The following PCCA variants were observed in gnomAD, a reference collection of about 807,000 sequenced individuals.
The protein encoded by PCCA is propionyl-CoA carboxylase subunit alpha.
Under a neutral mutation model 101.3 loss-of-function variants are expected in PCCA, and 74 were observed. That is an observed-to-expected ratio of 0.73 (90% CI 0.61 to 0.89). The LOEUF (loss-of-function observed/expected upper bound fraction) is 0.89. Among genes scored for constraint, PCCA ranks in the 40% least tolerant of loss-of-function variants. The pLI, the probability that PCCA is intolerant of heterozygous loss-of-function variation, is 0.00. For missense variants in PCCA, 891 were observed against 907.0 expected, an observed-to-expected ratio of 0.98 and a Z score of 0.23; for synonymous variants, 294 against 313.6, an observed-to-expected ratio of 0.94 and a Z score of 0.66.
rs2066520499 is a variant in PCCA, at chr13:100,307,210, A to G, written c.1303A>G (p.Ile435Val). 2 of 1,611,056 alleles carry G rather than the reference A, an allele frequency of 1.2e-6. No homozygotes were observed. Among genetic ancestry groups the G allele is most frequent in the South Asian group, 2.2e-5 (2 of 91,008 alleles). ...CTCCCAGGTCCGAGTGGACAGTGGCATCCAACCAGGAAGTGATATTAGCAT... is the reference window on the plus strand; with the variant it reads ...CTCCCAGGTCCGAGTGGACAGTGGCGTCCAACCAGGAAGTGATATTAGCAT... ...HLPGVRVDSGIQPGSDISIYY... is the reference protein window; with the variant it reads ...HLPGVRVDSGVQPGSDISIYY... Residue 435 changes from isoleucine to valine, a missense_variant, in exon 15 of 24, where the codon ATC becomes GTC. Physicochemically the swap from Ile to Val is conservative, Grantham distance 29. Transcript: ENST00000376285.
chr13:100,277,467 C>T (rs963250277), intron 12 of PCCA, among the ~76,000 whole-genome samples: 5 of 152,070 alleles, frequency 3.3e-5, no homozygotes, highest in Non-Finnish European at 7.4e-5. Context: ...AGAAGACCTC[C>T]CCCATCTCCC....
In PCCA at chr13:100,527,883, G is replaced by A. The variant is rs1037610779; in HGVS notation, c.2118+131G>A. On this transcript the variant is annotated intron_variant, in intron 23 of 23. Transcript: ENST00000376285. ...CCCCCTCGCTTCTACAGAGGAGGACGTTAGGATTGGGAGCTTTTGCCATTC... is the reference window on the plus strand; with the variant it reads ...CCCCCTCGCTTCTACAGAGGAGGACATTAGGATTGGGAGCTTTTGCCATTC... 16 of 750,554 alleles carry A rather than the reference G, an allele frequency of 2.1e-5. 1 individual carries two copies. Among genetic ancestry groups the A allele is most frequent in the South Asian group, 5.6e-5 (4 of 71,206 alleles). The allele number at this position is 750,554 out of a possible 1,614,324, so 46.5% of individuals were successfully genotyped here. A position where few individuals can be genotyped will look rare whatever the true frequency, so the allele number is the denominator to read the frequency against.
chr13:100,443,633 G>A (rs1178349243), intron 20 of PCCA, among the ~76,000 whole-genome samples: 1 of 142,978 alleles, frequency 7.0e-6, no homozygotes, highest in Admixed American at 7.5e-5. Context: ...TTGCCACGCA[G>A]CAGTTCAGTG....
rs575965579 is a variant in PCCA at position 100,258,641 on chromosome 13, C to T, written c.716+968C>T. On this transcript the variant is annotated intron_variant, in intron 9 of 23. Coordinates refer to ENST00000376285, the MANE Select transcript of PCCA (RefSeq NM_000282.4). Reference sequence around the variant, plus strand: ...GTTAGTAACTTACTCTTTTATGGTGCGGATTACTCTTTATAGTTTCTTGGA... The same window carrying T: ...GTTAGTAACTTACTCTTTTATGGTGTGGATTACTCTTTATAGTTTCTTGGA... Among the ~76,000 whole-genome samples the T allele has an allele frequency of 2.8e-4, 42 of 152,154 alleles. 1 individual carries two copies. Among genetic ancestry groups the T allele is most frequent in the South Asian group, 8.3e-4 (4 of 4,808 alleles).
At chr13:100,516,452 A>C (rs2086834294) in intron 22 of PCCA, among the ~76,000 whole-genome samples, 2 of 152,246 alleles carry the variant, frequency 1.3e-5, no homozygotes, top group Admixed American at 6.5e-5. Context: ...CTTCTAGAAA[A>C]GTATTTGCAA....
intron 18 of PCCA, among the ~76,000 whole-genome samples, chr13:100,348,308 G>A (rs1438035303): frequency 6.6e-6 from 1 of 152,076 alleles, no homozygotes; most frequent in Non-Finnish European, 1.5e-5. Context: ...CATACCCCTA[G>A]TATTTGGATA....
intron 4 of PCCA, among the ~76,000 whole-genome samples, chr13:100,117,716 T>C (rs2048936009): frequency 6.6e-6 from 1 of 152,038 alleles, no homozygotes; most frequent in East Asian, 1.9e-4. Flanking sequence ...GAGACATGTA[T>C]ACCTATGTAA....
chr13:100,110,114 C>T (rs889238013), intron 2 of PCCA, among the ~76,000 whole-genome samples: 5 of 152,124 alleles, frequency 3.3e-5, no homozygotes, highest in Non-Finnish European at 7.3e-5. Flanking sequence ...GCCTGGGCGA[C>T]AGAGTGAGAC....
intron 8 of PCCA, among the ~76,000 whole-genome samples, chr13:100,252,749 T>C (rs2061837326): frequency 1.3e-5 from 2 of 152,214 alleles, no homozygotes; most frequent in South Asian, 4.1e-4. Flanking sequence ...ATTCATCCCC[T>C]TATCTTCCAC....
chr13:100,464,892 A>G (rs573579829), intron 21 of PCCA, among the ~76,000 whole-genome samples: 8 of 152,308 alleles, frequency 5.3e-5, no homozygotes, highest in Non-Finnish European at 1.0e-4. Flanking sequence ...GACAGTGCCT[A>G]TGAGATGTTC....
chr13:100,112,576 C>CTTTTTTTT, intron 4 of PCCA, among the ~76,000 whole-genome samples: 1 of 124,036 alleles, frequency 8.1e-6, no homozygotes, highest in South Asian at 2.7e-4. Flanking sequence ...CACAGCAGGC[C>CTTTTTTTT]TTTTTTTTTT....
chr13:100,128,135 G>A (rs1188328891), intron 4 of PCCA, among the ~76,000 whole-genome samples: 1 of 152,088 alleles, frequency 6.6e-6, no homozygotes, highest in African/African-American at 2.4e-5. Flanking sequence ...AGAAAATTGG[G>A]GCTTCAAGTA....
intron 21 of PCCA, among the ~76,000 whole-genome samples, chr13:100,489,534 G>T (rs2084723379): frequency 6.6e-6 from 1 of 152,208 alleles, no homozygotes; most frequent in African/African-American, 2.4e-5. Context: ...TTACACTCCA[G>T]CATGAATACA....
chr13:100,521,995 A>T (rs185686136), intron 22 of PCCA, among the ~76,000 whole-genome samples: 2 of 152,098 alleles, frequency 1.3e-5, no homozygotes, highest in African/African-American at 4.8e-5. Flanking sequence ...CTTCTTCCCC[A>T]AAAAGGGGAC....
At chr13:100,299,037 A>C (rs1377692584) in intron 12 of PCCA, among the ~76,000 whole-genome samples, 1 of 152,142 alleles carries the variant, frequency 6.6e-6, no homozygotes, top group Non-Finnish European at 1.5e-5. Context: ...TGGAAAATTG[A>C]AGCAAGTTAG....
Position 100,304,339 on chromosome 13 carries a change from A to T in PCCA, c.1284+1341A>T, listed in dbSNP as rs1028395550. 2.8e-4 allele frequency among the ~76,000 whole-genome samples: 42 copies of T among 152,232 alleles called. 1 individual carries two copies. The highest frequency in any genetic ancestry group is 7.3e-5 in the Non-Finnish European group (5 of 68,048). On this transcript the variant is annotated intron_variant, in intron 14 of 23. Coordinates refer to ENST00000376285, the MANE Select transcript of PCCA (RefSeq NM_000282.4). ...AATGGACCAAGGAGTAGATAAAGTGATTGGGTGCAGGAGAGTGCACACTAA... is the reference window on the plus strand; with the variant it reads ...AATGGACCAAGGAGTAGATAAAGTGTTTGGGTGCAGGAGAGTGCACACTAA...
At chr13:100,433,402 C>T (rs1331561820) in intron 20 of PCCA, among the ~76,000 whole-genome samples, 1 of 152,148 alleles carries the variant, frequency 6.6e-6, no homozygotes, top group Non-Finnish European at 1.5e-5. Flanking sequence ...ATTCCGAATA[C>T]TTCTAGGATG....
chr13:100,320,302 T>G (rs1434183540), intron 16 of PCCA, among the ~76,000 whole-genome samples: 1 of 152,194 alleles, frequency 6.6e-6, no homozygotes, highest in Non-Finnish European at 1.5e-5. Context: ...TTTTCCTAAT[T>G]GAATACCCTT....
rs369682169 is a variant in PCCA at position 100,307,146 on chromosome 13, T to C, written c.1285-46T>C. 11 of 1,370,368 alleles carry C rather than the reference T, an allele frequency of 8.0e-6. No homozygotes were observed. The African/African-American group carries it at 1.0e-4, about 12-fold the overall frequency. The allele number at this position is 1,370,368 out of a possible 1,614,324, so 84.9% of individuals were successfully genotyped here. On this transcript the variant is annotated intron_variant, in intron 14 of 23. Transcript: ENST00000376285. Reference sequence around the variant, plus strand: ...TGAAATTGGTGGTTACAAAAAAATATCTACACAATATGAATTACTTTTCTT... The same window carrying C: ...TGAAATTGGTGGTTACAAAAAAATACCTACACAATATGAATTACTTTTCTT...
Sources: gnomAD v4.1 joint callset for allele counts (sites outside exome capture counted in the v4.1 genomes callset) on GRCh38, gnomAD v4.1.1 for gene constraint, MANE v1.5 for transcripts, NCBI Gene and HGNC (gene_info 2026-07-23, HGNC 2026-07-21) for gene names.